Variants in FAM110B observed in about 807,000 individuals in gnomAD.
The protein encoded by FAM110B is protein FAM110B.
A neutral mutation model predicts 20.4 loss-of-function variants in FAM110B; 6 were observed. The observed-to-expected ratio is 0.29, with a 90% CI of 0.16 to 0.58. The LOEUF (loss-of-function observed/expected upper bound fraction) is 0.58. Among genes scored for constraint, FAM110B ranks in the 20% least tolerant of loss-of-function variants. The pLI, the probability that FAM110B is intolerant of heterozygous loss-of-function variation, is 0.90. For missense variants in FAM110B, 434 were observed against 498.2 expected, an observed-to-expected ratio of 0.87 and a Z score of 1.23; for synonymous variants, 226 against 214.1, an observed-to-expected ratio of 1.06 and a Z score of -0.49.
At chr8:58,074,721 C>T (rs930134159) in intron 2 of FAM110B, among the ~76,000 whole-genome samples, 5 of 152,070 alleles carry the variant, frequency 3.3e-5, no homozygotes, top group African/African-American at 1.2e-4. Context: ...TGCAGATGAA[C>T]GGTGCTCCTG....
intron 2 of FAM110B, among the ~76,000 whole-genome samples, chr8:58,066,573 G>A (rs1563356884): frequency 6.6e-6 from 1 of 152,168 alleles, no homozygotes; most frequent in African/African-American, 2.4e-5. Flanking sequence ...CTGTTTGAGT[G>A]TCAGGAACAG....
At chr8:58,123,946 C>T (rs906418978) in intron 3 of FAM110B, among the ~76,000 whole-genome samples, 12 of 152,146 alleles carry the variant, frequency 7.9e-5, no homozygotes, top group African/African-American at 1.4e-4. Context: ...ATGTGTTTTT[C>T]GGATTCTTTA....
chr8:58,021,121 C>T (rs150361880), intron 1 of FAM110B, among the ~76,000 whole-genome samples: 2 of 152,308 alleles, frequency 1.3e-5, no homozygotes, highest in Non-Finnish European at 2.9e-5. Flanking sequence ...ATTTTTAAAG[C>T]AAGTGCCCCA....
intron 3 of FAM110B, among the ~76,000 whole-genome samples, chr8:58,134,540 A>G (rs1803565457): frequency 6.6e-6 from 1 of 152,216 alleles, no homozygotes; most frequent in Admixed American, 6.5e-5. Context: ...TAGGTATTCT[A>G]CTGAATGCTT....
rs1167379325 is a variant in FAM110B at position 58,147,085 on chromosome 8, G to A, written c.855G>A (p.Pro285=). 7 of 1,614,078 alleles carry A rather than the reference G, an allele frequency of 4.3e-6. No individual in the cohort carries two copies. Among genetic ancestry groups the A allele is most frequent in the East Asian group, 2.2e-5 (1 of 44,882 alleles). ...ERFFNYCGLD[P]EELENLGMEN... is the part of the protein sequence containing the mutation. The stretch of plus-strand genomic sequence containing the variant: ...TCTTCAACTACTGTGGACTGGACCC[G>A]GAAGAGCTGGAAAACCTGGGAATGG... The change falls in exon 4 of 4, where the codon CCG becomes CCA. Residue 285 remains proline (P), a synonymous_variant. Transcript: ENST00000519262.
At chr8:58,049,320 A>G (rs1351181100) in intron 2 of FAM110B, among the ~76,000 whole-genome samples, 1 of 152,156 alleles carries the variant, frequency 6.6e-6, no homozygotes, top group Non-Finnish European at 1.5e-5. Context: ...TGAATGCCTA[A>G]TCATAACAGA....
rs181634018 is a variant in FAM110B at position 58,136,529 on chromosome 8, C to A, written c.-324-9378C>A. Among the ~76,000 whole-genome samples, 13 of 152,212 alleles carry A rather than the reference C, an allele frequency of 8.5e-5. 2 individuals carry two copies. The highest frequency in any genetic ancestry group is 8.5e-4 in the Admixed American group (13 of 15,292). On this transcript the variant is annotated intron_variant, in intron 3 of 3. Coordinates refer to ENST00000519262, the MANE Select transcript of FAM110B (RefSeq NM_001377989.1). ...TAGGGCGGCATTCTTATTGTATTTG[C>A]GTAAAGGAATTCTAGTGGCCCTGCT...
chr8:58,071,418 G>A (rs997784216), intron 2 of FAM110B, among the ~76,000 whole-genome samples: 3 of 152,152 alleles, frequency 2.0e-5, no homozygotes, highest in Non-Finnish European at 2.9e-5. Flanking sequence ...CAGCCACCAC[G>A]CGTCTGCTGT....
chr8:58,044,587 AT>A (rs1181922199), intron 2 of FAM110B, among the ~76,000 whole-genome samples: 1 of 152,208 alleles, frequency 6.6e-6, no homozygotes, highest in Non-Finnish European at 1.5e-5. Flanking sequence ...CTCATTTCTA[AT>A]TTAGATGGAC....
At chr8:58,142,554 A>G (rs1399875189) in intron 3 of FAM110B, among the ~76,000 whole-genome samples, 1 of 124,270 alleles carries the variant, frequency 8.0e-6, no homozygotes, top group Non-Finnish European at 1.7e-5. Context: ...CCCCACCCCG[A>G]CCCCTGCCAC....
intron 3 of FAM110B, among the ~76,000 whole-genome samples, chr8:58,093,126 T>C (rs1157831489): frequency 6.6e-6 from 1 of 152,206 alleles, no homozygotes; most frequent in Non-Finnish European, 1.5e-5. Flanking sequence ...TTTGTTTAAG[T>C]TCCTTGTCGA....
chr8:58,041,411 A>C (rs1805217992), intron 2 of FAM110B, among the ~76,000 whole-genome samples: 1 of 152,178 alleles, frequency 6.6e-6, no homozygotes, highest in South Asian at 2.1e-4. Context: ...CCACATCTGA[A>C]ACATCCAGTC....
At chr8:58,035,460 C>A (rs1805058821) in intron 2 of FAM110B, among the ~76,000 whole-genome samples, 1 of 152,162 alleles carries the variant, frequency 6.6e-6, no homozygotes, top group African/African-American at 2.4e-5. Flanking sequence ...TTTTCGTATA[C>A]TTGAAACTAA....
chr8:58,147,367 C>A lies in FAM110B; in HGVS notation c.*24C>A. 1.3e-6 allele frequency: 2 copies of A among 1,598,584 alleles called. No individual in the cohort carries two copies. Among genetic ancestry groups the A allele is most frequent in the South Asian group, 1.1e-5 (1 of 87,838 alleles). On this transcript the variant is annotated 3_prime_UTR_variant, in exon 4 of 4. Transcript: ENST00000519262. ...AAGACAGTGCGTGGAAAGGAGGGAG[C>A]GTGGGTCTCTGTGCTTACGCAGTTG...
intron 2 of FAM110B, among the ~76,000 whole-genome samples, chr8:58,055,339 C>G (rs1043050562): frequency 6.6e-6 from 1 of 152,178 alleles, no homozygotes; most frequent in Non-Finnish European, 1.5e-5. Flanking sequence ...CTGGTTTTAG[C>G]AGACTGTGTT....
chr8:58,017,112 G>A (rs995837796), intron 1 of FAM110B, among the ~76,000 whole-genome samples: 1 of 152,150 alleles, frequency 6.6e-6, no homozygotes, highest in Non-Finnish European at 1.5e-5. Context: ...GGTAGGTAAG[G>A]GAGTTAGTGC....
intron 3 of FAM110B, among the ~76,000 whole-genome samples, chr8:58,145,547 G>T (rs1414430510): frequency 6.6e-6 from 1 of 152,174 alleles, no homozygotes; most frequent in African/African-American, 2.4e-5. Context: ...ACAGGGCTTG[G>T]CTAAGCCCTC....
At chr8:58,104,111 A>G (rs879938127) in intron 3 of FAM110B, among the ~76,000 whole-genome samples, 3 of 152,138 alleles carry the variant, frequency 2.0e-5, no homozygotes, top group Admixed American at 2.0e-4. Flanking sequence ...TTTTTCTGCA[A>G]CTCTAGTCTT....
chr8:58,124,204 G>C lies in FAM110B; in HGVS notation c.-324-21703G>C, dbSNP rs932253689. Among the ~76,000 whole-genome samples the C allele has an allele frequency of 5.9e-5, 9 of 152,208 alleles. No homozygotes were observed. In the East Asian group the frequency reaches 1.7e-3, roughly 29 times the overall value. ...TGACTAGAGGCCACATATACTGGCA[G>C]AACATTCAGTACTGGATTCGTTGGG... On this transcript the variant is annotated intron_variant, in intron 3 of 3. Coordinates refer to ENST00000519262, the MANE Select transcript of FAM110B (RefSeq NM_001377989.1).
Sources: gnomAD v4.1 joint callset for allele counts (sites outside exome capture counted in the v4.1 genomes callset) on GRCh38, gnomAD v4.1.1 for gene constraint, MANE v1.5 for transcripts, NCBI Gene and HGNC (gene_info 2026-07-23, HGNC 2026-07-21) for gene names.